The following YY1 variants were observed in gnomAD, a reference collection of about 807,000 sequenced individuals.
The protein encoded by YY1 is transcriptional repressor protein YY1.
YY1 carries 2 observed loss-of-function variants against 35.6 expected under a neutral mutation model. The observed-to-expected ratio is 0.06, with a 90% CI of 0.02 to 0.18. The LOEUF (loss-of-function observed/expected upper bound fraction) is 0.18. Among genes scored for constraint, YY1 ranks in the 10% least tolerant of loss-of-function variants. The pLI, the probability that YY1 is intolerant of heterozygous loss-of-function variation, is 1.00. For synonymous variants in YY1, 268 were observed against 238.9 expected (o/e 1.12, Z -1.12); for missense variants, 322 against 573.4 (o/e 0.56, Z 4.48).
In YY1 at chr14:100,265,074, T is replaced by G. The variant is rs556143973; in HGVS notation, c.842+2608T>G. 2.0e-5 allele frequency among the ~76,000 whole-genome samples: 3 copies of G among 151,424 alleles called. No homozygotes were observed. The East Asian group carries it at 5.8e-4, about 29-fold the overall frequency. On this transcript the variant is annotated intron_variant, in intron 2 of 4. Transcript: ENST00000262238. ...CAGCTTGGGTGACAGAGCAAAATTG[T>G]CTCTAAAAAAGAAGGAAACTGAACC...
At chr14:100,275,732 G>A (rs1891309055) in intron 3 of YY1, 1 of 152,248 alleles carries the variant, frequency 6.6e-6, no homozygotes, top group Admixed American at 6.5e-5. Flanking sequence ...CCTTCTGCCT[G>A]TGAGCTGTCT....
chr14:100,279,744 G>C lies in YY1; in HGVS notation c.*2144G>C, dbSNP rs1341714454. The C allele has an allele frequency of 6.6e-6, 1 of 152,530 alleles. No individual in the cohort carries two copies. Among genetic ancestry groups the C allele is most frequent in the African/African-American group, 2.4e-5 (1 of 41,474 alleles). 9.4% of individuals were successfully genotyped at this position (152,530 alleles called of 1,614,324 possible). On this transcript the variant is annotated 3_prime_UTR_variant, in exon 5 of 5. Coordinates refer to ENST00000262238, the MANE Select transcript of YY1 (RefSeq NM_003403.5). ...CGGGTTGAGTAGCCCCAGCGTGGCT[G>C]TGTTAGGAGTCCTTTGCCCAACATT...
At chr14:100,241,510 CA>C (rs1890741356) in intron 1 of YY1, among the ~76,000 whole-genome samples, 1 of 152,176 alleles carries the variant, frequency 6.6e-6, no homozygotes, top group Non-Finnish European at 1.5e-5. Context: ...AAGGTGCTAA[CA>C]GGCGCTGTCC....
At chr14:100,267,915 C>G (rs1376409331) in intron 2 of YY1, among the ~76,000 whole-genome samples, 2 of 152,172 alleles carry the variant, frequency 1.3e-5, no homozygotes, top group Non-Finnish European at 2.9e-5. Context: ...CCTAGGTGCC[C>G]TGTTTTGTTA....
intron 1 of YY1, 66 bp from the exon 2 acceptor site, chr14:100,262,238 A>G (rs566946474): frequency 1.3e-6 from 2 of 1,573,910 alleles, no homozygotes; most frequent in East Asian, 4.5e-5. Flanking sequence ...GTTACTGGTG[A>G]AAGCAGTTTT....
chr14:100,255,121 T>G lies in YY1; in HGVS notation c.680-7183T>G, dbSNP rs142651115. 2.4e-4 allele frequency among the ~76,000 whole-genome samples: 37 copies of G among 151,788 alleles called. No individual in the cohort carries two copies. The East Asian group carries it at 7.0e-3, about 29-fold the overall frequency. On this transcript the variant is annotated intron_variant, in intron 1 of 4. Coordinates refer to ENST00000262238, the MANE Select transcript of YY1 (RefSeq NM_003403.5). ...CAGCCTATTTTCTTATATTTTCTTG[T>G]TCACAATTTCTGTGCAGTGGTCTTT...
At chr14:100,254,718 A>G (rs1049741878) in intron 1 of YY1, among the ~76,000 whole-genome samples, 1 of 151,902 alleles carries the variant, frequency 6.6e-6, no homozygotes, top group Admixed American at 6.6e-5. Flanking sequence ...TGGCCTCCCA[A>G]AATGCTAAGA....
chr14:100,260,603 G>GCCAGGACT (rs1253419404), intron 1 of YY1, among the ~76,000 whole-genome samples: 1 of 150,716 alleles, frequency 6.6e-6, no homozygotes, highest in Non-Finnish European at 1.5e-5. Context: ...CTCCTGAGTA[G>GCCAGGACT]CCAGGACTAC....
In YY1 at chr14:100,278,256, G is replaced by T. The variant is rs965873781; in HGVS notation, c.*656G>T. On this transcript the variant is annotated 3_prime_UTR_variant, in exon 5 of 5. Coordinates refer to ENST00000262238, the MANE Select transcript of YY1 (RefSeq NM_003403.5). ...TTGAATCATGTAGTATCAAATATTA[G>T]ATGTGATTTAATAGTGTTAATCAAT... 6.6e-6 allele frequency: 1 copy of T among 152,630 alleles called. No homozygotes were observed. The highest frequency in any genetic ancestry group is 2.4e-5 in the African/African-American group (1 of 41,400). The allele number at this position is 152,630 out of a possible 1,614,324, so 9.5% of individuals were successfully genotyped here.
At chr14:100,257,817 A>T (rs997416412) in intron 1 of YY1, among the ~76,000 whole-genome samples, 1 of 152,222 alleles carries the variant, frequency 6.6e-6, no homozygotes, top group Non-Finnish European at 1.5e-5. Context: ...GCTTATTCAG[A>T]GTAGCACTGA....
At chr14:100,246,054 T>G (rs924927912) in intron 1 of YY1, among the ~76,000 whole-genome samples, 2 of 152,188 alleles carry the variant, frequency 1.3e-5, no homozygotes, top group Non-Finnish European at 2.9e-5. Context: ...AGATTTCAGG[T>G]GGTGACAAAC....
chr14:100,249,726 A>G (rs1011554642), intron 1 of YY1, among the ~76,000 whole-genome samples: 17 of 150,430 alleles, frequency 1.1e-4, no homozygotes, highest in Non-Finnish European at 1.8e-4. Flanking sequence ...TCTCAATTCA[A>G]ATCTCAGATT....
At position 100,280,250 on chromosome 14, in the gene YY1, G is replaced by A. The variant is rs1891395547; in HGVS notation, c.*2650G>A. 6.6e-6 allele frequency: 1 copy of A among 152,112 alleles called. No individual in the cohort carries two copies. Among genetic ancestry groups the A allele is most frequent in the Admixed American group, 6.5e-5 (1 of 15,274 alleles). The allele number at this position is 152,112 out of a possible 1,614,324, so 9.4% of individuals were successfully genotyped here. On this transcript the variant is annotated 3_prime_UTR_variant, in exon 5 of 5. Coordinates refer to ENST00000262238, the MANE Select transcript of YY1 (RefSeq NM_003403.5). ...ATGTAATTTACTAAGGTTTGAAATG[G>A]TATTCTAACAGTGAGTCCATTGTCT...
At chr14:100,249,805 G>A (rs1355811370) in intron 1 of YY1, among the ~76,000 whole-genome samples, 4 of 138,238 alleles carry the variant, frequency 2.9e-5, no homozygotes, top group Non-Finnish European at 4.6e-5. Context: ...ACAGAGTCTT[G>A]CTCTGTCGCC....
chr14:100,239,811 GGCCGGCGCGGCGGGCGGCGGCGGC>G lies in YY1; in HGVS notation c.572_595del (p.Gly191_Ala198del), dbSNP rs769867434. On this transcript the variant is annotated inframe_deletion, in exon 1 of 5. Coordinates refer to ENST00000262238, the MANE Select transcript of YY1 (RefSeq NM_003403.5). ...GCAAGAAGAGTTACCTCAGCGGCGG[GGCCGGCGCGGCGGGCGGCGGCGGC>G]GCCGACCCGGGCAACAAGAAGTGGG... 6 of 1,497,798 alleles carry G rather than the reference GGCCGGCGCGGCGGGCGGCGGCGGC, an allele frequency of 4.0e-6. No homozygotes were observed. Among genetic ancestry groups the G allele is most frequent in the Admixed American group, 4.8e-5 (2 of 41,634 alleles). The allele number at this position is 1,497,798 out of a possible 1,614,324, so 92.8% of individuals were successfully genotyped here.
chr14:100,282,297 TA>T lies in YY1; in HGVS notation c.*4709del, dbSNP rs11352547. The T allele has an allele frequency of 0.89, 133,049 of 149,982 alleles. 59,169 individuals carry two copies. The highest frequency in any genetic ancestry group is 0.98 in the East Asian group (5,011 of 5,128). 9.3% of individuals were successfully genotyped at this position (149,982 alleles called of 1,614,324 possible). On this transcript the variant is annotated 3_prime_UTR_variant, in exon 5 of 5. Coordinates refer to ENST00000262238, the MANE Select transcript of YY1 (RefSeq NM_003403.5). ...CTTTTCATGAGACACCCAGATGCTG[TA>T]AAAAAAAAAAACAGCACTGGGATGT...
intron 2 of YY1, among the ~76,000 whole-genome samples, chr14:100,268,259 C>T (rs1235091550): frequency 1.3e-5 from 2 of 152,220 alleles, no homozygotes; most frequent in African/African-American, 4.8e-5. Context: ...ATGCTGCACT[C>T]AGCCTAGACT....
intron 1 of YY1, among the ~76,000 whole-genome samples, chr14:100,260,781 T>C (rs1891074997): frequency 8.9e-5 from 2 of 22,442 alleles, no homozygotes; most frequent in African/African-American, 1.5e-4. Flanking sequence ...CTTTTTTTTT[T>C]TTTTTTTTTT....
intron 2 of YY1, among the ~76,000 whole-genome samples, chr14:100,266,345 C>T (rs966023251): frequency 5.9e-5 from 9 of 152,020 alleles, no homozygotes; most frequent in African/African-American, 2.2e-4. Context: ...GGAATAAAAC[C>T]TCTTTGGATT....
Sources: gnomAD v4.1 joint callset for allele counts (sites outside exome capture counted in the v4.1 genomes callset) on GRCh38, gnomAD v4.1.1 for gene constraint, MANE v1.5 for transcripts, NCBI Gene and HGNC (gene_info 2026-07-23, HGNC 2026-07-21) for gene names.